The following ZPBP2 variants were observed in gnomAD, a reference collection of about 807,000 sequenced individuals.
ZPBP2 encodes the protein zona pellucida-binding protein 2.
Under a neutral mutation model 37.5 loss-of-function variants are expected in ZPBP2, and 34 were observed. That is an observed-to-expected ratio of 0.91 (90% CI 0.69 to 1.21). The LOEUF (loss-of-function observed/expected upper bound fraction) is 1.21, where lower values mean the gene tolerates loss of function less well. Among genes scored for constraint, ZPBP2 ranks in the 50% most tolerant of loss-of-function variants. The pLI is 0.00. For missense variants in ZPBP2, 397 were observed against 413.5 expected, an observed-to-expected ratio of 0.96 and a Z score of 0.35; for synonymous variants, 143 against 138.4, an observed-to-expected ratio of 1.03 and a Z score of -0.23.
intron 5 of ZPBP2, among the ~76,000 whole-genome samples, 197 bp from the exon 6 acceptor site, chr17:39,872,847 C>G (rs1474116312): frequency 6.6e-6 from 1 of 152,182 alleles, no homozygotes; most frequent in Non-Finnish European, 1.5e-5. Flanking sequence ...CTTGTAGTTA[C>G]TTACATTAGC....
At chr17:39,868,963 C>T (rs1022800900) in intron 2 of ZPBP2, among the ~76,000 whole-genome samples, 1 of 152,138 alleles carries the variant, frequency 6.6e-6, no homozygotes, top group Non-Finnish European at 1.5e-5. Flanking sequence ...TTTAATCCTC[C>T]CCTTATTAAC....
intron 3 of ZPBP2, 148 bp from the exon 4 acceptor site, chr17:39,871,315 TA>T: frequency 1.9e-6 from 1 of 538,572 alleles, no homozygotes; most frequent in Non-Finnish European, 3.2e-6. Flanking sequence ...TTCCACAGAG[TA>T]ATATGACAGA....
chr17:39,875,883 C>CTTT (rs34192567), intron 7 of ZPBP2, among the ~76,000 whole-genome samples: 24 of 63,780 alleles, frequency 3.8e-4, no homozygotes, highest in East Asian at 8.0e-4. Flanking sequence ...TGCTTGGCCC[C>CTTT]TTTTTTTTTT....
rs1375428002 is a variant in ZPBP2, at chr17:39,868,280, G to GGGAGGTGT, written c.-74_-67dup. 4 of 1,537,394 alleles carry GGGAGGTGT rather than the reference G, an allele frequency of 2.6e-6. No individual in the cohort carries two copies. Among genetic ancestry groups the GGGAGGTGT allele is most frequent in the Non-Finnish European group, 3.5e-6 (4 of 1,129,318 alleles). On this transcript the variant is annotated 5_prime_UTR_variant, in exon 1 of 8. Coordinates refer to ENST00000348931, the MANE Select transcript of ZPBP2 (RefSeq NM_199321.3). Reference sequence around the variant, plus strand: ...TCTGCTCCGCACTGTGGAGGAGGTGGGGAGGTGTTGGGCCAGGGCTGAGGT... The same window carrying GGGAGGTGT: ...TCTGCTCCGCACTGTGGAGGAGGTGGGGAGGTGTGGAGGTGTTGGGCCAGGGCTGAGGT...
chr17:39,875,167 A>G (rs2063383553), intron 6 of ZPBP2, 87 bp from the exon 7 acceptor site: 1 of 1,209,308 alleles, frequency 8.3e-7, no homozygotes, highest in East Asian at 2.3e-5. Context: ...TGGCATGCTT[A>G]CAGTACATTA....
Position 39,872,377 on chromosome 17 carries a change from G to A in ZPBP2, c.514G>A (p.Asp172Asn), listed in dbSNP as rs2063369119. 11 of 1,613,148 alleles carry A rather than the reference G, an allele frequency of 6.8e-6. No individual in the cohort carries two copies. The highest frequency in any genetic ancestry group is 1.3e-5 in the African/African-American group (1 of 74,816). ...CTTTAGAGTGCTGAAGAAAATCTTG[G>A]ATAGTCTAATTTCTGATTTGTCATG... The part of the protein sequence containing the change: ...VFFRVLKKIL[D>N]SLISDLSCHV... The change falls in exon 5 of 8, where the codon GAT becomes AAT. Residue 172 changes from aspartate to asparagine, a missense_variant. By Grantham distance (23) the Asp-to-Asn change is conservative. Coordinates refer to ENST00000348931, the MANE Select transcript of ZPBP2 (RefSeq NM_199321.3).
At chr17:39,872,792 A>AC (rs2063371348) in intron 5 of ZPBP2, among the ~76,000 whole-genome samples, 2 of 152,228 alleles carry the variant, frequency 1.3e-5, no homozygotes, top group African/African-American at 4.8e-5. Context: ...AAAACTTAGT[A>AC]AAAGTGAATA....
Position 39,872,283 on chromosome 17 carries a change from T to C in ZPBP2, c.420T>C (p.Pro140=), listed in dbSNP as rs749757912. Residue 140 remains proline, a synonymous_variant, in exon 5 of 8, where the codon CCT becomes CCC. Coordinates refer to ENST00000348931, the MANE Select transcript of ZPBP2 (RefSeq NM_199321.3). ...YDFMVFAYRE[P]DYSYQMAVRF... ...TTTTTTTTAAAGCCTATCGGGAACC[T>C]GATTATTCATATCAGATGGCTGTAC... 1 of 1,594,810 alleles carries C rather than the reference T, an allele frequency of 6.3e-7. No individual in the cohort carries two copies. The highest frequency in any genetic ancestry group is 8.5e-7 in the Non-Finnish European group (1 of 1,173,300).
intron 6 of ZPBP2, among the ~76,000 whole-genome samples, chr17:39,873,411 A>C (rs1465445138): frequency 6.6e-6 from 1 of 152,180 alleles, no homozygotes; most frequent in East Asian, 1.9e-4. Flanking sequence ...AGGAGGAAAA[A>C]TTATTTTTTA....
At position 39,872,189 on chromosome 17, in the gene ZPBP2, T is replaced by C. The variant is rs1048181473; in HGVS notation, c.407-81T>C. 4.7e-6 allele frequency: 5 copies of C among 1,062,638 alleles called. No homozygotes were observed. In the Admixed American group the frequency reaches 9.9e-5, roughly 21 times the overall value. The allele number at this position is 1,062,638 out of a possible 1,614,324, so 65.8% of individuals were successfully genotyped here. On this transcript the variant is annotated intron_variant, in intron 4 of 7. Coordinates refer to ENST00000348931, the MANE Select transcript of ZPBP2 (RefSeq NM_199321.3). ...AAGATTGATGGGATTTAGTATTACATAGTATTTGAAAATTGTTTGGTAGAG... is the reference window on the plus strand; with the variant it reads ...AAGATTGATGGGATTTAGTATTACACAGTATTTGAAAATTGTTTGGTAGAG...
rs768458212 is a variant in ZPBP2, at chr17:39,870,706, T to C, written c.131T>C (p.Val44Ala). The change falls in exon 3 of 8, where the codon GTA (valine) becomes GCA (alanine). Residue 44 changes from valine (V) to alanine (A), a missense_variant. Transcript: ENST00000348931. ...GKTGQPDKIYVELHQNSPVLI... is the reference protein window; with the variant it reads ...GKTGQPDKIYAELHQNSPVLI... Reference sequence around the variant, plus strand: ...TATTTCATCACAGACAAAATATATGTAGAGTTACATCAAAATAGTCCAGTC... The same window carrying C: ...TATTTCATCACAGACAAAATATATGCAGAGTTACATCAAAATAGTCCAGTC... 7.0e-7 allele frequency: 1 copy of C among 1,436,780 alleles called. No homozygotes were observed. Among genetic ancestry groups the C allele is most frequent in the Admixed American group, 2.1e-5 (1 of 47,874 alleles). 89.0% of individuals were successfully genotyped at this position (1,436,780 alleles called of 1,614,324 possible).
chr17:39,871,127 T>C (rs1359178051), intron 3 of ZPBP2, among the ~76,000 whole-genome samples: 1 of 152,140 alleles, frequency 6.6e-6, no homozygotes. Flanking sequence ...TTTCATCATG[T>C]TAGAGTGCCT....
At chr17:39,873,530 T>G (rs1159751947) in intron 6 of ZPBP2, among the ~76,000 whole-genome samples, 1 of 151,610 alleles carries the variant, frequency 6.6e-6, no homozygotes, top group Non-Finnish European at 1.5e-5. Flanking sequence ...CAAGATGTGA[T>G]TTTTTTTTCT....
At chr17:39,873,320 A>G (rs2063374092) in intron 6 of ZPBP2, among the ~76,000 whole-genome samples, 194 bp downstream of exon 6, 1 of 152,192 alleles carries the variant, frequency 6.6e-6, no homozygotes, top group Admixed American at 6.5e-5. Context: ...ATTTTTGTAA[A>G]TACTTCGTTA....
At chr17:39,872,531 A>G in intron 5 of ZPBP2, 43 bp downstream of exon 5, 5 of 1,256,688 alleles carry the variant, frequency 4.0e-6, no homozygotes, top group Non-Finnish European at 5.4e-6. Context: ...TTAGTCCTGA[A>G]CCATAATAGA....
chr17:39,868,697 G>T (rs993539720), intron 2 of ZPBP2, 83 bp downstream of exon 2: 54 of 1,508,596 alleles, frequency 3.6e-5, no homozygotes, highest in Middle Eastern at 4.0e-4. Flanking sequence ...CTGGAGAGAA[G>T]GGGAACGAGC....
chr17:39,872,480 C>A lies in ZPBP2; in HGVS notation c.617C>A (p.Ala206Glu), dbSNP rs1464736636. 6.3e-7 allele frequency: 1 copy of A among 1,586,260 alleles called. No individual in the cohort carries two copies. The highest frequency in any genetic ancestry group is 1.4e-5 in the African/African-American group (1 of 73,442). ...GGCCTCATACATGAGCTATTTATAG[C>A]ATTTCAAGGTAAAATTTTTAAAATT... ...EHGLIHELFIAFQVNPFAPGW... is the reference protein window; with the variant it reads ...EHGLIHELFIEFQVNPFAPGW... The change falls in exon 5 of 8, where the codon GCA becomes GAA. Residue 206 changes from alanine to glutamate, a missense_variant. Physicochemically the swap from Ala to Glu is moderately radical, Grantham distance 107. Coordinates refer to ENST00000348931, the MANE Select transcript of ZPBP2 (RefSeq NM_199321.3).
At chr17:39,870,874 ATCAC>A in intron 3 of ZPBP2, 55 bp downstream of exon 3, 1 of 1,326,298 alleles carries the variant, frequency 7.5e-7, no homozygotes, top group Non-Finnish European at 1.0e-6. Context: ...TTTTTAGAAA[ATCAC>A]TGTTACTTAT....
At chr17:39,872,060 T>A (rs561807034) in intron 4 of ZPBP2, among the ~76,000 whole-genome samples, 56 of 152,266 alleles carry the variant, frequency 3.7e-4, no homozygotes, top group Non-Finnish European at 5.7e-4. Context: ...TTGTACCAAG[T>A]AGATAATGTA....
Sources: gnomAD v4.1 joint callset for allele counts (sites outside exome capture counted in the v4.1 genomes callset) on GRCh38, gnomAD v4.1.1 for gene constraint, MANE v1.5 for transcripts, NCBI Gene and HGNC (gene_info 2026-07-23, HGNC 2026-07-21) for gene names.